Variants in DPYD observed in about 807,000 individuals in gnomAD.
DPYD encodes the protein dihydropyrimidine dehydrogenase.
A neutral mutation model predicts 116.2 loss-of-function variants in DPYD; 109 were observed. The observed-to-expected ratio is 0.94, with a 90% CI of 0.80 to 1.10. The LOEUF (loss-of-function observed/expected upper bound fraction) is 1.10, where lower values mean the gene tolerates loss of function less well. Ranked by LOEUF, DPYD falls within the 50% of genes least tolerant of loss-of-function variation. The pLI, the probability that DPYD is intolerant of heterozygous loss-of-function variation, is 0.00. For synonymous variants in DPYD, 440 were observed against 432.0 expected, an observed-to-expected ratio of 1.02 and a Z score of -0.23; for missense variants, 1,302 against 1,254.5, an observed-to-expected ratio of 1.04 and a Z score of -0.57.
intron 12 of DPYD, chr1:97,545,628 A>G: frequency 1.7e-6 from 1 of 605,914 alleles, no homozygotes; most frequent in Non-Finnish European, 2.9e-6. Flanking sequence ...TATGCAAGAG[A>G]GTGCCCTGTT....
At chr1:97,243,251 G>A (rs1371440648) in intron 18 of DPYD, among the ~76,000 whole-genome samples, 1 of 151,896 alleles carries the variant, frequency 6.6e-6, no homozygotes, top group Non-Finnish European at 1.5e-5. Context: ...ACAGATACCA[G>A]TGATTAACTT....
rs190771411 is a variant in DPYD at position 97,721,519 on chromosome 1, A to G, written c.474T>C (p.Phe158=). The G allele has an allele frequency of 5.9e-5, 95 of 1,611,352 alleles. No homozygotes were observed. The East Asian group carries it at 2.1e-3, about 35-fold the overall frequency. Residue 158 remains phenylalanine (F), a synonymous_variant, in exon 5 of 23, where the codon TTT becomes TTC. Coordinates refer to ENST00000370192, the MANE Select transcript of DPYD (RefSeq NM_000110.4). ...TGTATATCATACATACCTCAGTAGC[A>G]AATTGCTGCAATCCACCAATATTAA... ...GPINIGGLQQ[F]ATEVFKAMSI...
chr1:97,882,647 G>A (rs1184463716), intron 2 of DPYD, among the ~76,000 whole-genome samples: 3 of 151,904 alleles, frequency 2.0e-5, no homozygotes, highest in South Asian at 2.1e-4. Context: ...ACTTATATCC[G>A]ATCTATGGTG....
intron 20 of DPYD, among the ~76,000 whole-genome samples, chr1:97,165,575 AACTAAT>A (rs1364396494): frequency 6.6e-6 from 1 of 152,164 alleles, no homozygotes; most frequent in Non-Finnish European, 1.5e-5. Flanking sequence ...GACAAATGGG[AACTAAT>A]TAAACTTAAG....
In DPYD at chr1:97,150,525, C is replaced by A. The variant is rs550703791; in HGVS notation, c.2622+42544G>T. Among the ~76,000 whole-genome samples, 8 of 152,312 alleles carry A rather than the reference C, an allele frequency of 5.3e-5. No individual in the cohort carries two copies. The East Asian group carries it at 1.5e-3, about 29-fold the overall frequency. On this transcript the variant is annotated intron_variant, in intron 20 of 22. Coordinates refer to ENST00000370192, the MANE Select transcript of DPYD (RefSeq NM_000110.4). Reference sequence around the variant, plus strand: ...ATATAATTTGCTTGGGCAACCAGAACTATAATAAGCTCACCCAGGCATTTT... The same window carrying A: ...ATATAATTTGCTTGGGCAACCAGAAATATAATAAGCTCACCCAGGCATTTT...
chr1:97,548,584 A>C (rs888121814), intron 12 of DPYD, among the ~76,000 whole-genome samples: 1 of 152,038 alleles, frequency 6.6e-6, no homozygotes, highest in African/African-American at 2.4e-5. Flanking sequence ...TAAAAATACA[A>C]AAATTAGCTG....
chr1:97,468,379 G>A (rs1462594196), intron 13 of DPYD, among the ~76,000 whole-genome samples: 1 of 152,154 alleles, frequency 6.6e-6, no homozygotes, highest in Non-Finnish European at 1.5e-5. Context: ...ATTAGGTCAT[G>A]AGGGTGGGGT....
intron 13 of DPYD, among the ~76,000 whole-genome samples, chr1:97,464,604 C>G (rs1285907649): frequency 2.6e-5 from 4 of 152,188 alleles, no homozygotes; most frequent in Non-Finnish European, 4.4e-5. Flanking sequence ...CAAGGAACAG[C>G]TCAGGCTGTT....
chr1:97,174,021 T>C (rs1416905708), intron 20 of DPYD, among the ~76,000 whole-genome samples: 1 of 151,894 alleles, frequency 6.6e-6, no homozygotes, highest in Non-Finnish European at 1.5e-5. Flanking sequence ...AATTTTATTA[T>C]CCATTAATAA....
chr1:97,402,318 C>T (rs1348945112), intron 14 of DPYD, among the ~76,000 whole-genome samples: 4 of 152,064 alleles, frequency 2.6e-5, no homozygotes, highest in African/African-American at 9.7e-5. Flanking sequence ...TGTAGCTCTC[C>T]TCACACAGAT....
At chr1:97,363,346 T>C (rs942332729) in intron 16 of DPYD, among the ~76,000 whole-genome samples, 15 of 152,216 alleles carry the variant, frequency 9.9e-5, no homozygotes, top group Non-Finnish European at 2.2e-4. Context: ...GCCTTTATAC[T>C]GTTGGTGAGA....
intron 9 of DPYD, among the ~76,000 whole-genome samples, chr1:97,594,039 A>G (rs1654710255): frequency 6.6e-6 from 1 of 152,194 alleles, no homozygotes; most frequent in Non-Finnish European, 1.5e-5. Context: ...GGTCATCTCT[A>G]TTAAGATTTG....
At chr1:97,156,848 C>A (rs1655498022) in intron 20 of DPYD, among the ~76,000 whole-genome samples, 1 of 151,844 alleles carries the variant, frequency 6.6e-6, no homozygotes, top group Non-Finnish European at 1.5e-5. Flanking sequence ...TTCACAATAG[C>A]AAAGACTTGG....
chr1:97,721,981 C>A (rs1662950977), intron 4 of DPYD, among the ~76,000 whole-genome samples: 1 of 151,512 alleles, frequency 6.6e-6, no homozygotes, highest in East Asian at 1.9e-4. Context: ...TATATCTTGT[C>A]AAAAATTATT....
intron 14 of DPYD, among the ~76,000 whole-genome samples, chr1:97,409,169 A>G (rs1224678953): frequency 1.3e-5 from 2 of 152,172 alleles, no homozygotes; most frequent in Non-Finnish European, 1.5e-5. Context: ...ATATAAGCAC[A>G]TGGGTTTTGT....
At chr1:97,601,051 A>G (rs1169476690) in intron 8 of DPYD, among the ~76,000 whole-genome samples, 1 of 152,128 alleles carries the variant, frequency 6.6e-6, no homozygotes, top group Non-Finnish European at 1.5e-5. Context: ...AAATTGGAGC[A>G]TTAAGAACAA....
intron 13 of DPYD, among the ~76,000 whole-genome samples, chr1:97,457,685 C>G (rs1436528919): frequency 2.0e-5 from 3 of 152,132 alleles, no homozygotes; most frequent in Non-Finnish European, 4.4e-5. Context: ...AGGTGACTGG[C>G]TTTAACTAGT....
intron 12 of DPYD, among the ~76,000 whole-genome samples, chr1:97,534,554 A>AT (rs1257278969): frequency 6.6e-6 from 1 of 151,758 alleles, no homozygotes; most frequent in African/African-American, 2.4e-5. Flanking sequence ...AAGGCATTAC[A>AT]TTTTTTTCTT....
intron 8 of DPYD, among the ~76,000 whole-genome samples, chr1:97,615,516 T>A (rs1270382797): frequency 1.3e-5 from 2 of 152,126 alleles, no homozygotes; most frequent in Non-Finnish European, 2.9e-5. Flanking sequence ...TCCCTCTCCA[T>A]CAAACTTCAT....
Sources: allele counts gnomAD v4.1 joint callset (sites outside exome capture counted in the v4.1 genomes callset), GRCh38; gene constraint gnomAD v4.1.1; transcripts MANE v1.5; gene names NCBI Gene and HGNC (gene_info 2026-07-23, HGNC 2026-07-21).